Variants in KIDINS220 observed in about 807,000 individuals in gnomAD.
KIDINS220 encodes kinase D interacting substrate 220, also known as kinase D-interacting substrate of 220 kDa.
In KIDINS220, 63 loss-of-function variants were observed where a neutral mutation model predicts 157.6. The ratio of observed to expected loss-of-function variants is 0.40; its 90% CI spans 0.33 to 0.49. The LOEUF (loss-of-function observed/expected upper bound fraction) is 0.49, where lower values mean the gene tolerates loss of function less well. Ranked by LOEUF, KIDINS220 falls within the 20% of genes least tolerant of loss-of-function variation. The pLI is 0.66. For missense variants in KIDINS220, 1,772 were observed against 2,171.2 expected (o/e 0.82, Z 3.65); for synonymous variants, 732 against 783.6 (o/e 0.93, Z 1.10).
chr2:8,776,032 T>A (rs1263315326), intron 21 of KIDINS220, among the ~76,000 whole-genome samples: 7 of 152,240 alleles, frequency 4.6e-5, no homozygotes, highest in African/African-American at 1.7e-4. Context: ...ATTCCCATTG[T>A]TGAACATAAA....
chr2:8,772,296 T>C (rs1670338425), intron 21 of KIDINS220, among the ~76,000 whole-genome samples: 1 of 151,802 alleles, frequency 6.6e-6, no homozygotes, highest in African/African-American at 2.4e-5. Context: ...GCCAACATGG[T>C]GAAACCCCGC....
chr2:8,798,696 C>T (rs773666753), intron 9 of KIDINS220, among the ~76,000 whole-genome samples: 3 of 152,096 alleles, frequency 2.0e-5, no homozygotes, highest in Admixed American at 6.6e-5. Context: ...AGATAATGCA[C>T]GAAAATGTAC....
At chr2:8,771,570 C>A (rs1261040056) in intron 21 of KIDINS220, among the ~76,000 whole-genome samples, 2 of 152,112 alleles carry the variant, frequency 1.3e-5, no homozygotes, top group Non-Finnish European at 2.9e-5. Flanking sequence ...GTTAAATTTT[C>A]AAACATTGTC....
chr2:8,759,241 T>C (rs1041145221), intron 22 of KIDINS220, among the ~76,000 whole-genome samples: 2 of 152,180 alleles, frequency 1.3e-5, no homozygotes, highest in Admixed American at 6.5e-5. Flanking sequence ...GTTTGACTTA[T>C]GTGTTTAAGG....
intron 22 of KIDINS220, among the ~76,000 whole-genome samples, chr2:8,756,486 G>A (rs1390961939): frequency 6.6e-6 from 1 of 152,192 alleles, no homozygotes; most frequent in Non-Finnish European, 1.5e-5. Context: ...TAGCAGTGGT[G>A]AAAGTGGGTA....
At chr2:8,761,520 G>A (rs758103848) in intron 22 of KIDINS220, among the ~76,000 whole-genome samples, 1 of 152,024 alleles carries the variant, frequency 6.6e-6, no homozygotes, top group Non-Finnish European at 1.5e-5. Context: ...GGAGACAAAA[G>A]TAGTACAACA....
intron 17 of KIDINS220, among the ~76,000 whole-genome samples, chr2:8,784,205 AAAG>A (rs1325468383): frequency 1.3e-5 from 2 of 152,064 alleles, no homozygotes; most frequent in African/African-American, 4.8e-5. Flanking sequence ...AAAAAAAAGA[AAAG>A]AAGCAAGGAA....
intron 6 of KIDINS220, among the ~76,000 whole-genome samples, chr2:8,812,069 C>T (rs1340195983): frequency 6.6e-6 from 1 of 152,150 alleles, no homozygotes; most frequent in African/African-American, 2.4e-5. Flanking sequence ...ATCTCTCACA[C>T]AACAATACAG....
At chr2:8,827,972 T>A (rs1182175792) in intron 1 of KIDINS220, among the ~76,000 whole-genome samples, 1 of 152,168 alleles carries the variant, frequency 6.6e-6, no homozygotes, top group Non-Finnish European at 1.5e-5. Context: ...CCTGTGACAC[T>A]GACAACACTG....
At position 8,806,267 on chromosome 2, in the gene KIDINS220, T is replaced by C. The variant is rs530872935; in HGVS notation, c.603+4A>G. On this transcript the variant is annotated splice_donor_region_variant and intron_variant, in intron 7 of 29. Coordinates refer to ENST00000256707, the MANE Select transcript of KIDINS220 (RefSeq NM_020738.4). Reference sequence around the variant, plus strand: ...TGCCAAGCATTAAAATATAAGATACTTACAGCTCCTTCTTGATCCACATCA... The same window carrying C: ...TGCCAAGCATTAAAATATAAGATACCTACAGCTCCTTCTTGATCCACATCA... 3.2e-5 allele frequency: 50 copies of C among 1,582,528 alleles called. No homozygotes were observed. The highest frequency in any genetic ancestry group is 1.7e-4 in the Middle Eastern group (1 of 5,980).
intron 15 of KIDINS220, 78 bp from the exon 16 acceptor site, chr2:8,786,435 C>A: frequency 9.4e-7 from 1 of 1,067,844 alleles, no homozygotes; most frequent in Non-Finnish European, 1.4e-6. Flanking sequence ...ATCTTTGCAT[C>A]ACTTACCCTT....
chr2:8,787,827 T>G (rs888228267), intron 15 of KIDINS220, among the ~76,000 whole-genome samples: 4 of 152,094 alleles, frequency 2.6e-5, no homozygotes, highest in African/African-American at 9.7e-5. Flanking sequence ...TCTCATAAAT[T>G]TCCTACTTAA....
At chr2:8,769,220 T>C (rs779037900) in intron 22 of KIDINS220, among the ~76,000 whole-genome samples, 6 of 152,146 alleles carry the variant, frequency 3.9e-5, no homozygotes, top group African/African-American at 1.4e-4. Context: ...AGGAGGTCAG[T>C]AACACTAAGT....
chr2:8,830,241 T>C (rs187480225), intron 1 of KIDINS220, among the ~76,000 whole-genome samples: 1 of 152,218 alleles, frequency 6.6e-6, no homozygotes, highest in African/African-American at 2.4e-5. Context: ...CAGAAAAATG[T>C]ATTTGAAGGA....
downstream of KIDINS220, among the ~76,000 whole-genome samples, chr2:8,726,144 A>C (rs181655295): frequency 6.6e-6 from 1 of 152,332 alleles, no homozygotes; most frequent in East Asian, 1.9e-4. Flanking sequence ...TAGTTGGGTA[A>C]TAATTGCTCC....
chr2:8,820,954 T>G (rs570309942), intron 2 of KIDINS220, among the ~76,000 whole-genome samples: 1 of 152,258 alleles, frequency 6.6e-6, no homozygotes, highest in African/African-American at 2.4e-5. Context: ...ATATATAAAT[T>G]AAAGCAACAA....
Position 8,729,371 on chromosome 2 carries a change from A to G in KIDINS220, c.*1349T>C. On this transcript the variant is annotated 3_prime_UTR_variant, in exon 30 of 30. Coordinates refer to ENST00000256707, the MANE Select transcript of KIDINS220 (RefSeq NM_020738.4). Reference sequence around the variant, plus strand: ...TAACACTGAATCTAGATAATAGCGCATCTGCGATCTCACCATCTACCGTCC... The same window carrying G: ...TAACACTGAATCTAGATAATAGCGCGTCTGCGATCTCACCATCTACCGTCC... 2.0e-6 allele frequency: 2 copies of G among 985,490 alleles called. No individual in the cohort carries two copies. The highest frequency in any genetic ancestry group is 2.4e-6 in the Non-Finnish European group (2 of 829,944). 61.0% of individuals were successfully genotyped at this position (985,490 alleles called of 1,614,324 possible).
chr2:8,781,989 C>T (rs1163773508), intron 17 of KIDINS220, among the ~76,000 whole-genome samples: 1 of 151,838 alleles, frequency 6.6e-6, no homozygotes, highest in Non-Finnish European at 1.5e-5. Context: ...GGCGTGTAGC[C>T]TGTGGTCCCA....
At chr2:8,814,586 G>GA (rs1412389950) in intron 4 of KIDINS220, among the ~76,000 whole-genome samples, 1 of 151,966 alleles carries the variant, frequency 6.6e-6, no homozygotes, top group African/African-American at 2.4e-5. Context: ...GAGGGAAACA[G>GA]AAAATCATCA....
Sources: allele counts gnomAD v4.1 joint callset (sites outside exome capture counted in the v4.1 genomes callset), GRCh38; gene constraint gnomAD v4.1.1; transcripts MANE v1.5; gene names NCBI Gene and HGNC (gene_info 2026-07-23, HGNC 2026-07-21).